ARHGDIB: variants seen among roughly 807,000 people sequenced by gnomAD.
The protein encoded by ARHGDIB is rho GDP-dissociation inhibitor 2.
ARHGDIB carries 20 observed loss-of-function variants against 22.6 expected under a neutral mutation model. The ratio of observed to expected loss-of-function variants is 0.88; its 90% CI spans 0.62 to 1.28. ARHGDIB has a LOEUF of 1.28. Among genes scored for constraint, ARHGDIB ranks in the 50% most tolerant of loss-of-function variants. ARHGDIB has a pLI of 0.00. For missense variants in ARHGDIB, 254 were observed against 245.4 expected (o/e 1.04, Z -0.23); for synonymous variants, 114 against 96.1 (o/e 1.19, Z -1.09).
At chr12:14,948,104 A>G (rs10846091) in intron 3 of ARHGDIB, among the ~76,000 whole-genome samples, 155 bp from the exon 4 acceptor site, 66 of 42,486 alleles carry the variant, frequency 1.6e-3, no homozygotes, top group East Asian at 9.6e-3. Context: ...GTCCTTGCAC[A>G]CACACACACA....
intron 3 of ARHGDIB, among the ~76,000 whole-genome samples, chr12:14,948,425 A>G (rs78250169): frequency 0.011 from 1,710 of 152,308 alleles, 34 homozygotes; most frequent in African/African-American, 0.038. Flanking sequence ...GGCATTTTCT[A>G]GCTTTTAAAA....
At chr12:14,945,183 T>C (rs927773296) in intron 4 of ARHGDIB, among the ~76,000 whole-genome samples, 4 of 152,220 alleles carry the variant, frequency 2.6e-5, no homozygotes, top group Non-Finnish European at 4.4e-5. Flanking sequence ...CCCTCTCCAA[T>C]ACTGCTGACC....
chr12:14,943,401 G>T (rs1330759496), intron 5 of ARHGDIB, among the ~76,000 whole-genome samples: 1,081 of 68,518 alleles, frequency 0.016, 14 homozygotes, highest in African/African-American at 0.037. Flanking sequence ...TGTTGTTGTT[G>T]TTGTTTTTTT....
At chr12:14,950,954 T>C (rs1864162424) in intron 1 of ARHGDIB, 1 of 362,336 alleles carries the variant, frequency 2.8e-6, no homozygotes. Flanking sequence ...GTATCTTCTA[T>C]TCACTGAACA....
intron 1 of ARHGDIB, among the ~76,000 whole-genome samples, chr12:14,957,196 C>G (rs1486462076): frequency 8.5e-5 from 13 of 152,170 alleles, no homozygotes; most frequent in Non-Finnish European, 1.9e-4. Flanking sequence ...TTCACTGAGC[C>G]TCAGTTTTAT....
intron 2 of ARHGDIB, 46 bp from the exon 3 acceptor site, chr12:14,949,931 A>G (rs1864129388): frequency 2.0e-6 from 3 of 1,526,996 alleles, no homozygotes; most frequent in Admixed American, 3.6e-5. Flanking sequence ...AGACATGTGT[A>G]TAGTGGGTGT....
chr12:14,944,075 T>C (rs1863949291), intron 5 of ARHGDIB, among the ~76,000 whole-genome samples: 1 of 151,770 alleles, frequency 6.6e-6, no homozygotes, highest in South Asian at 2.1e-4. Flanking sequence ...AACTGAGACA[T>C]GCTTTGTTGT....
In ARHGDIB at chr12:14,949,251, C is replaced by T. The variant is rs910400990; in HGVS notation, c.265+551G>A. On this transcript the variant is annotated intron_variant, in intron 3 of 5. Transcript: ENST00000228945. The stretch of plus-strand genomic sequence containing the variant: ...CCCTAAGTCTCAGGGAAAGGCTTGA[C>T]CCTTAGTTACAATAAGGTGAAAGAA... Among the ~76,000 whole-genome samples, 4 of 152,166 alleles carry T rather than the reference C, an allele frequency of 2.6e-5. No individual in the cohort carries two copies. In the South Asian group the frequency reaches 8.3e-4, roughly 32 times the overall value.
intron 1 of ARHGDIB, among the ~76,000 whole-genome samples, chr12:14,953,910 C>A (rs1475456534): frequency 6.6e-6 from 1 of 151,060 alleles, no homozygotes; most frequent in Admixed American, 6.6e-5. Context: ...CTTTCTTTCT[C>A]TCTCTCTCTC....
rs187949006 is a variant in ARHGDIB at position 14,943,681 on chromosome 12, G to A, written c.407-960C>T. Among the ~76,000 whole-genome samples the A allele has an allele frequency of 6.4e-4, 98 of 152,046 alleles. 2 individuals are homozygous for A. In the East Asian group the frequency reaches 0.017, roughly 27 times the overall value. On this transcript the variant is annotated intron_variant, in intron 5 of 5. Coordinates refer to ENST00000228945, the MANE Select transcript of ARHGDIB (RefSeq NM_001175.7). ...CAGCAGTAAGTTGGTAAAAAAAAAA[G>A]TGAAGAACTAGGACAAATGGTGAAA...
At chr12:14,957,325 C>T (rs965817335) in intron 1 of ARHGDIB, among the ~76,000 whole-genome samples, 2 of 152,214 alleles carry the variant, frequency 1.3e-5, no homozygotes, top group Non-Finnish European at 2.9e-5. Flanking sequence ...TTCCCTTCCT[C>T]TTCTTCCTTC....
intron 1 of ARHGDIB, among the ~76,000 whole-genome samples, chr12:14,955,216 A>G (rs1304561165): frequency 6.6e-6 from 1 of 152,214 alleles, no homozygotes; most frequent in Non-Finnish European, 1.5e-5. Context: ...AGTCATCGCA[A>G]TGTTGTGAGG....
At chr12:14,942,871 T>TC in intron 5 of ARHGDIB, 150 bp from the exon 6 acceptor site, 2 of 656,818 alleles carry the variant, frequency 3.0e-6, no homozygotes, top group Non-Finnish European at 5.0e-6. Flanking sequence ...ACCTGAGGCA[T>TC]CTTTTTTTTT....
chr12:14,942,672 CTCCTCAGGCCGAGG>C lies in ARHGDIB; in HGVS notation c.442_455del (p.Pro148ValfsTer2), dbSNP rs774413441. 1 of 1,614,166 alleles carries C rather than the reference CTCCTCAGGCCGAGG, an allele frequency of 6.2e-7. No homozygotes were observed. The highest frequency in any genetic ancestry group is 8.5e-7 in the Non-Finnish European group (1 of 1,180,018). On this transcript the variant is annotated frameshift_variant, in exon 6 of 6. Transcript: ENST00000228945. LOFTEE classifies it high-confidence loss of function. Reference sequence around the variant, plus strand: ...CCTCAACTGGAGTGAGGAACTCATACTCCTCAGGCCGAGGTCCATAGCTGCCAACCATAAATGTT... The same window carrying C: ...CCTCAACTGGAGTGAGGAACTCATACTCCATAGCTGCCAACCATAAATGTT...
intron 1 of ARHGDIB, among the ~76,000 whole-genome samples, chr12:14,953,999 G>A (rs1270192102): frequency 7.0e-6 from 1 of 143,148 alleles, no homozygotes; most frequent in East Asian, 2.0e-4. Context: ...CTTTTTTTGA[G>A]GCATAGTTTT....
At chr12:14,942,798 C>T in intron 5 of ARHGDIB, 77 bp from the exon 6 acceptor site, 3 of 1,242,424 alleles carry the variant, frequency 2.4e-6, no homozygotes, top group African/African-American at 3.0e-5. Flanking sequence ...AGAATCTGGA[C>T]TACAGCCTAC....
intron 1 of ARHGDIB, 199 bp downstream of exon 1, chr12:14,961,338 G>C (rs1391579665): frequency 6.6e-6 from 1 of 152,226 alleles, no homozygotes; most frequent in Non-Finnish European, 1.5e-5. Flanking sequence ...CCTCCCCTGA[G>C]TCACTGCTAC....
intron 4 of ARHGDIB, among the ~76,000 whole-genome samples, chr12:14,946,652 C>T (rs1864021921): frequency 6.6e-6 from 1 of 152,146 alleles, no homozygotes. Context: ...TCCACACAGA[C>T]CCACATACCA....
At chr12:14,943,538 A>G (rs1460326980) in intron 5 of ARHGDIB, among the ~76,000 whole-genome samples, 1 of 152,184 alleles carries the variant, frequency 6.6e-6, no homozygotes, top group Non-Finnish European at 1.5e-5. Context: ...TGTGTATATG[A>G]TGGACTTTAA....
Sources: gnomAD v4.1 joint callset for allele counts (sites outside exome capture counted in the v4.1 genomes callset) on GRCh38, gnomAD v4.1.1 for gene constraint, MANE v1.5 for transcripts, NCBI Gene and HGNC (gene_info 2026-07-23, HGNC 2026-07-21) for gene names.